The following UBR1 variants were observed in gnomAD, a reference collection of about 807,000 sequenced individuals.
UBR1 encodes ubiquitin protein ligase E3 component n-recognin 1.
A neutral mutation model predicts 242.1 loss-of-function variants in UBR1; 102 were observed. The observed-to-expected ratio is 0.42, with a 90% CI of 0.36 to 0.50. The LOEUF is 0.50. UBR1 is among the 20% of genes least tolerant of loss of function. The pLI, the probability that UBR1 is intolerant of heterozygous loss-of-function variation, is 0.01. For synonymous variants in UBR1, 675 were observed against 684.8 expected (o/e 0.99, Z 0.22); for missense variants, 1,772 against 2,101.8 (o/e 0.84, Z 3.07).
Position 42,964,024 on chromosome 15 carries a change from G to A in UBR1, c.4611C>T (p.Tyr1537=). Reference sequence around the variant, plus strand: ...AAGATAGATAGCTACAGAGTGCACTGTACTCTCCTTCTGCAGAATCTGCAA... The same window carrying A: ...AAGATAGATAGCTACAGAGTGCACTATACTCTCCTTCTGCAGAATCTGCAA... ...ELHTNSAEGE[Y]SALCSYLSLP... Residue 1537 remains tyrosine, a synonymous_variant, in exon 42 of 47, where the codon TAC becomes TAT. Coordinates refer to ENST00000290650, the MANE Select transcript of UBR1 (RefSeq NM_174916.3). 2 of 1,612,432 alleles carry A rather than the reference G, an allele frequency of 1.2e-6. No homozygotes were observed. Among genetic ancestry groups the A allele is most frequent in the Non-Finnish European group, 1.7e-6 (2 of 1,178,622 alleles).
chr15:42,980,456 C>A (rs751529292), intron 37 of UBR1, among the ~76,000 whole-genome samples: 14 of 152,160 alleles, frequency 9.2e-5, no homozygotes, highest in Admixed American at 7.9e-4. Flanking sequence ...CATGCAACTT[C>A]CCTGTGCCTC....
At chr15:42,971,807 G>A (rs1381855) in intron 39 of UBR1, among the ~76,000 whole-genome samples, 81,839 of 152,086 alleles carry the variant, frequency 0.54, 26,765 homozygotes, top group Non-Finnish European at 0.7. Flanking sequence ...ATCTGATGAT[G>A]AGTTTGACAA....
chr15:42,950,442 GA>G, intron 45 of UBR1, 79 bp from the exon 46 acceptor site: 1 of 1,222,604 alleles, frequency 8.2e-7, no homozygotes. Flanking sequence ...TTAACCTAGA[GA>G]AAAGACGTGG....
In UBR1 at chr15:42,988,930, G is replaced by A; in HGVS notation, c.3886C>T (p.Leu1296Phe). ...YSNSIKEMVI[L>F]FATTIYRIGL... ...ATTCTATAAATTGTTGTGGCAAAGA[G>A]AATAACCATTTCCTTGATGCTATTT... Residue 1296 changes from leucine to phenylalanine, a missense_variant, in exon 35 of 47, where the codon CTC (leucine) becomes TTC (phenylalanine). Leu to Phe is a conservative substitution (Grantham distance 22). Around this residue, in one of 3 missense-constraint regions of UBR1, gnomAD observed 965 missense variants for 1,079.7 expected, o/e 0.89. Transcript: ENST00000290650. 1 of 1,607,998 alleles carries A rather than the reference G, an allele frequency of 6.2e-7. No homozygotes were observed. The highest frequency in any genetic ancestry group is 1.7e-5 in the Admixed American group (1 of 60,020).
intron 35 of UBR1, 78 bp from the exon 36 acceptor site, chr15:42,985,020 T>C: frequency 9.1e-7 from 1 of 1,096,284 alleles, no homozygotes; most frequent in Non-Finnish European, 1.3e-6. Context: ...TATCAAATGT[T>C]CTTTAATAAT....
At chr15:43,008,037 T>C (rs2032860156) in intron 29 of UBR1, among the ~76,000 whole-genome samples, 1 of 152,242 alleles carries the variant, frequency 6.6e-6, no homozygotes, top group Non-Finnish European at 1.5e-5. Context: ...ATTTGTAACA[T>C]GCTGATTGTG....
Position 42,976,851 on chromosome 15 carries a change from G to C in UBR1, c.4235C>G (p.Ala1412Gly), listed in dbSNP as rs764355906. ...LFHVLVGAVLAFPSLYWDDPV... is the reference protein window; with the variant it reads ...LFHVLVGAVLGFPSLYWDDPV... ...GTCATCCCAATACAAGGATGGGAAT[G>C]CTAACACAGCACCCACCTATGAGAG... Residue 1412 changes from alanine to glycine, a missense_variant, in exon 39 of 47, where the codon GCA becomes GGA. Physicochemically the swap from Ala to Gly is moderately conservative, Grantham distance 60. Coordinates refer to ENST00000290650, the MANE Select transcript of UBR1 (RefSeq NM_174916.3). 6.8e-6 allele frequency: 11 copies of C among 1,613,740 alleles called. No individual in the cohort carries two copies. The highest frequency in any genetic ancestry group is 1.3e-5 in the African/African-American group (1 of 74,900).
chr15:43,038,415 C>T (rs1237913186), intron 15 of UBR1, among the ~76,000 whole-genome samples, 183 bp from the exon 16 acceptor site: 2 of 152,062 alleles, frequency 1.3e-5, no homozygotes, highest in Admixed American at 1.3e-4. Context: ...TCAAGACCAG[C>T]CTGGCCCACA....
intron 17 of UBR1, among the ~76,000 whole-genome samples, chr15:43,037,003 T>C (rs1351507754): frequency 6.6e-6 from 1 of 151,736 alleles, no homozygotes; most frequent in African/African-American, 2.4e-5. Flanking sequence ...AAACGCATAA[T>C]ACCATTTTTC....
chr15:43,014,578 C>G (rs920853765), intron 29 of UBR1, among the ~76,000 whole-genome samples: 3 of 151,602 alleles, frequency 2.0e-5, no homozygotes, highest in Admixed American at 6.6e-5. Flanking sequence ...GCGACCCCGT[C>G]TGGGAGGTGA....
chr15:43,097,200 A>G (rs930717247), intron 1 of UBR1, among the ~76,000 whole-genome samples: 1 of 152,088 alleles, frequency 6.6e-6, no homozygotes. Flanking sequence ...GACCAAATGT[A>G]TTGTCAATAA....
chr15:42,984,115 A>T, intron 36 of UBR1, 122 bp from the exon 37 acceptor site: 1 of 540,012 alleles, frequency 1.9e-6, no homozygotes, highest in Non-Finnish European at 3.3e-6. Context: ...CTCATTATAT[A>T]CCTTATATCA....
At chr15:43,003,516 G>C (rs970866591) in intron 31 of UBR1, 2 of 357,462 alleles carry the variant, frequency 5.6e-6, no homozygotes, top group Admixed American at 7.7e-5. Flanking sequence ...TCGGCCTCCC[G>C]AAGTGCTGAG....
At position 43,010,167 on chromosome 15, in the gene UBR1, C is replaced by T. The variant is rs192301770; in HGVS notation, c.3210-2883G>A. On this transcript the variant is annotated intron_variant, in intron 29 of 46. Transcript: ENST00000290650. The stretch of plus-strand genomic sequence containing the variant: ...GATTACAGGCGTAAGCCACTGCGCC[C>T]GCCCTACTCTGCAGTTTTTAAAAGG... Among the ~76,000 whole-genome samples, 35 of 152,268 alleles carry T rather than the reference C, an allele frequency of 2.3e-4. No individual in the cohort carries two copies. The East Asian group carries it at 5.4e-3, about 23-fold the overall frequency.
intron 2 of UBR1, among the ~76,000 whole-genome samples, chr15:43,084,831 A>G (rs1220749964): frequency 2.0e-5 from 3 of 152,228 alleles, no homozygotes; most frequent in African/African-American, 7.2e-5. Flanking sequence ...CTGTACATAA[A>G]CCAGTTAGGC....
At chr15:43,077,283 G>A (rs1202859649) in intron 3 of UBR1, among the ~76,000 whole-genome samples, 1 of 151,882 alleles carries the variant, frequency 6.6e-6, no homozygotes, top group Non-Finnish European at 1.5e-5. Flanking sequence ...AGACATGGGA[G>A]ACTTTTCATT....
Position 43,060,004 on chromosome 15 carries a change from G to A in UBR1, c.861+48C>T, listed in dbSNP as rs370097636. ...ATTATTCTACTTGGGCTCTTGTAAT[G>A]TACATTCATCTTTAACTTCTCTTTT... On this transcript the variant is annotated intron_variant, in intron 7 of 46. Transcript: ENST00000290650. The A allele has an allele frequency of 1.4e-5, 23 of 1,598,560 alleles. No homozygotes were observed. The African/African-American group carries it at 2.7e-4, about 19-fold the overall frequency.
intron 44 of UBR1, among the ~76,000 whole-genome samples, chr15:42,953,693 C>T (rs2031870440): frequency 1.3e-5 from 2 of 152,136 alleles, no homozygotes; most frequent in Non-Finnish European, 2.9e-5. Flanking sequence ...AGCAGCCACC[C>T]TCCAACACTA....
At chr15:43,082,828 T>C (rs1376573098) in intron 2 of UBR1, 112 bp from the exon 3 acceptor site, 1 of 775,460 alleles carries the variant, frequency 1.3e-6, no homozygotes, top group African/African-American at 1.7e-5. Flanking sequence ...AAACTGAATA[T>C]GAAAATGCTT....
Sources: gnomAD v4.1 joint callset for allele counts (sites outside exome capture counted in the v4.1 genomes callset) on GRCh38, gnomAD v4.1.1 for gene constraint, gnomAD v4.1.1 regional missense constraint, MANE v1.5 for transcripts, NCBI Gene and HGNC (gene_info 2026-07-23, HGNC 2026-07-21) for gene names.